The following AMOT variants were observed in gnomAD, a reference collection of about 807,000 sequenced individuals.
AMOT encodes the protein angiomotin.
A neutral mutation model predicts 67.0 loss-of-function variants in AMOT; 11 were observed. The observed-to-expected ratio is 0.16, with a 90% CI of 0.10 to 0.27. AMOT has a LOEUF of 0.27. Among genes scored for constraint, AMOT ranks in the 10% least tolerant of loss-of-function variants. AMOT has a pLI of 1.00. For synonymous variants in AMOT, 326 were observed against 321.4 expected, an observed-to-expected ratio of 1.01 and a Z score of -0.15; for missense variants, 753 against 852.0, an observed-to-expected ratio of 0.88 and a Z score of 1.45.
chrX:112,782,478 A>G, intron 11 of AMOT, 62 bp downstream of exon 11: 9 of 1,198,813 alleles, frequency 7.5e-6, no homozygotes, highest in Non-Finnish European at 1.0e-5. Flanking sequence ...CTGTGAATAA[A>G]GATCCTATGT....
At chrX:112,805,117 C>T (rs377446463) in intron 7 of AMOT, 25 bp from the exon 8 acceptor site, 1 of 1,209,642 alleles carries the variant, frequency 8.3e-7, no homozygotes, top group Non-Finnish European at 1.1e-6. Flanking sequence ...AACATCAACA[C>T]TGCCAGCCTG....
intron 1 of AMOT, among the ~76,000 whole-genome samples, chrX:112,835,833 C>T (rs945506916): frequency 2.7e-5 from 3 of 111,605 alleles, no homozygotes; most frequent in African/African-American, 9.8e-5. Flanking sequence ...ATCCGCCCGC[C>T]TCTGCCTCCC....
chrX:112,823,215 C>G lies in AMOT; in HGVS notation c.-62-27G>C, dbSNP rs940046624. ...TGGGAAGGGGAAACAGGAAGCTTAACACCCAGTTGATGGATAAATCAGTCC... is the reference window on the plus strand; with the variant it reads ...TGGGAAGGGGAAACAGGAAGCTTAAGACCCAGTTGATGGATAAATCAGTCC... On this transcript the variant is annotated intron_variant, in intron 3 of 13. Coordinates refer to ENST00000371959, the MANE Select transcript of AMOT (RefSeq NM_001113490.2). 8.1e-5 allele frequency: 75 copies of G among 923,091 alleles called. No homozygotes were observed. The African/African-American group carries it at 9.9e-4, about 12-fold the overall frequency. The allele number at this position is 923,091 out of a possible 1,213,427, so 76.1% of individuals were successfully genotyped here.
intron 4 of AMOT, among the ~76,000 whole-genome samples, chrX:112,820,696 C>A (rs1934690324): frequency 9.0e-6 from 1 of 111,661 alleles, no homozygotes; most frequent in Non-Finnish European, 1.9e-5. Flanking sequence ...AAAATAAAAA[C>A]CCCCAGCTTC....
intron 4 of AMOT, 67 bp from the exon 5 acceptor site, chrX:112,815,944 A>G (rs1209100573): frequency 8.9e-7 from 1 of 1,122,943 alleles, no homozygotes; most frequent in Non-Finnish European, 1.2e-6. Flanking sequence ...AAGGGCACAC[A>G]AAAGTGAGAT....
intron 5 of AMOT, among the ~76,000 whole-genome samples, chrX:112,812,259 T>C (rs1934393071): frequency 9.0e-6 from 1 of 111,630 alleles, no homozygotes; most frequent in South Asian, 3.8e-4. Context: ...AGTAAGCAAA[T>C]GCATTCCCAG....
intron 12 of AMOT, chrX:112,780,682 C>T (rs954634426): frequency 5.1e-5 from 22 of 430,969 alleles, no homozygotes; most frequent in Non-Finnish European, 6.0e-5. Context: ...TGGCCTCAAT[C>T]GGTATTCTCA....
In AMOT at chrX:112,779,544, C is replaced by T. The variant is rs752121908; in HGVS notation, c.2610G>A (p.Thr870=). 1.2e-5 allele frequency: 15 copies of T among 1,209,089 alleles called. No individual in the cohort carries two copies. In the African/African-American group the frequency reaches 1.4e-4, roughly 11 times the overall value. Reference sequence around the variant, plus strand: ...CAACAGCTGCAGTTTTGTTCGATTCCGTCCCACGTTCAGTTTGGGTACTGC... The same window carrying T: ...CAACAGCTGCAGTTTTGTTCGATTCTGTCCCACGTTCAGTTTGGGTACTGC... ...RDCSTQTERG[T]ESNKTAAVAP... Residue 870 remains threonine, a synonymous_variant, in exon 13 of 14, where the codon ACG becomes ACA. Transcript: ENST00000371959.
intron 10 of AMOT, among the ~76,000 whole-genome samples, chrX:112,790,003 A>T (rs1014135456): frequency 1.9e-5 from 2 of 104,804 alleles, no homozygotes; most frequent in African/African-American, 7.0e-5. Context: ...ATAAGGAGCA[A>T]AAAGTAAAAA....
intron 7 of AMOT, among the ~76,000 whole-genome samples, chrX:112,806,886 G>T (rs1934208495): frequency 8.9e-6 from 1 of 111,801 alleles, no homozygotes; most frequent in East Asian, 2.8e-4. Flanking sequence ...ATCACTTAAA[G>T]ATTTCATTGC....
chrX:112,779,248 A>ACAG lies in AMOT; in HGVS notation c.2903_2905dup (p.Ala968dup), dbSNP rs749110842. On this transcript the variant is annotated inframe_insertion, in exon 13 of 14. Transcript: ENST00000371959. ...AGCCGGAGCAGCTGGAGCAACCTGA[A>ACAG]CAGCAGCAGCAGCAGCAGCAGAAGG... 7.4e-5 allele frequency: 48 copies of ACAG among 650,167 alleles called. No homozygotes were observed. The South Asian group carries it at 7.8e-4, about 11-fold the overall frequency. 53.6% of individuals were successfully genotyped at this position (650,167 alleles called of 1,213,427 possible).
At chrX:112,823,249 G>C in intron 3 of AMOT, 61 bp from the exon 4 acceptor site, 1 of 676,156 alleles carries the variant, frequency 1.5e-6, no homozygotes, top group East Asian at 3.6e-5. Context: ...CCTCTAAAGG[G>C]AAAGAAAATG....
intron 13 of AMOT, 109 bp downstream of exon 13, chrX:112,778,888 A>G (rs1933010796): frequency 2.2e-6 from 2 of 891,121 alleles, no homozygotes; most frequent in Middle Eastern, 4.2e-4. Context: ...TTAGAACGTG[A>G]AAAACTCAGT....
At chrX:112,808,765 T>C (rs1934266178) in intron 7 of AMOT, among the ~76,000 whole-genome samples, 1 of 111,963 alleles carries the variant, frequency 8.9e-6, no homozygotes, top group African/African-American at 3.3e-5. Context: ...TTTCTGCCAG[T>C]GAACTAGCTC....
Position 112,809,968 on chromosome X carries a change from T to C in AMOT, c.1556A>G (p.Asn519Ser). 4 of 1,210,867 alleles carry C rather than the reference T, an allele frequency of 3.3e-6. No homozygotes were observed. In the South Asian group the frequency reaches 7.0e-5, roughly 21 times the overall value. ...ATATTCCTTCTCTGCAAGCTGCTTG[T>C]TGGCAGTCTCTAGACGCTCTGTGAA... ...RDLRERLETA[N>S]KQLAEKEYEG... The change falls in exon 7 of 14, where the codon AAC becomes AGC. Residue 519 changes from asparagine to serine, a missense_variant. Around this residue, in one of 5 missense-constraint regions of AMOT, gnomAD observed 297 missense variants for 284.3 expected, o/e 1.04. Transcript: ENST00000371959.
chrX:112,820,569 G>A (rs1189483664), intron 4 of AMOT, among the ~76,000 whole-genome samples: 6 of 111,265 alleles, frequency 5.4e-5, no homozygotes, highest in Non-Finnish European at 1.1e-4. Context: ...TGGGAAGGCG[G>A]GCTGTGTGCT....
At chrX:112,829,433 C>T (rs1005128014) in intron 2 of AMOT, among the ~76,000 whole-genome samples, 1 of 111,559 alleles carries the variant, frequency 9.0e-6, no homozygotes, top group African/African-American at 3.3e-5. Context: ...CTGAGGCCCC[C>T]GCCCCAAAGC....
At chrX:112,792,139 G>A (rs907415664) in intron 8 of AMOT, among the ~76,000 whole-genome samples, 158 bp from the exon 9 acceptor site, 1 of 112,472 alleles carries the variant, frequency 8.9e-6, no homozygotes, top group African/African-American at 3.2e-5. Context: ...CCTTCACAAT[G>A]AGTAGCAGGC....
chrX:112,836,600 T>A (rs930871726), intron 1 of AMOT, among the ~76,000 whole-genome samples: 2 of 110,749 alleles, frequency 1.8e-5, no homozygotes, highest in African/African-American at 6.6e-5. Flanking sequence ...CTAGAAAAAA[T>A]GAAAGCAGGT....
Sources: allele counts gnomAD v4.1 joint callset (sites outside exome capture counted in the v4.1 genomes callset), GRCh38; gene constraint gnomAD v4.1.1; regional missense constraint gnomAD v4.1.1; transcripts MANE v1.5; gene names NCBI Gene and HGNC (gene_info 2026-07-23, HGNC 2026-07-21).